Variants in DLG2 observed in about 807,000 individuals in gnomAD.
The protein encoded by DLG2 is disks large homolog 2.
A neutral mutation model predicts 132.5 loss-of-function variants in DLG2; 45 were observed. That is an observed-to-expected ratio of 0.34 (90% CI 0.27 to 0.44). DLG2 has a LOEUF of 0.44. DLG2 is among the 20% of genes least tolerant of loss of function. DLG2 has a pLI of 1.00. For synonymous variants in DLG2, 424 were observed against 419.6 expected, an observed-to-expected ratio of 1.01 and a Z score of -0.13; for missense variants, 1,045 against 1,196.9, an observed-to-expected ratio of 0.87 and a Z score of 1.87.
At chr11:83,516,785 G>A (rs1187765918) in intron 21 of DLG2, among the ~76,000 whole-genome samples, 1 of 152,108 alleles carries the variant, frequency 6.6e-6, no homozygotes, top group East Asian at 1.9e-4. Flanking sequence ...CACTTATGAA[G>A]CTTAGTTTGG....
At chr11:84,593,501 C>T (rs191339665) in intron 6 of DLG2, among the ~76,000 whole-genome samples, 100 of 152,258 alleles carry the variant, frequency 6.6e-4, no homozygotes, top group African/African-American at 2.4e-3. Context: ...TGTGCAGGGA[C>T]ATGGATGAAA....
intron 11 of DLG2, among the ~76,000 whole-genome samples, chr11:84,049,049 G>T (rs1411910158): frequency 2.6e-5 from 4 of 151,436 alleles, no homozygotes; most frequent in African/African-American, 9.7e-5. Flanking sequence ...GAAATTTTCA[G>T]ATGACTTCCT....
intron 6 of DLG2, among the ~76,000 whole-genome samples, chr11:84,725,933 C>T (rs2062396655): frequency 6.6e-6 from 1 of 151,922 alleles, no homozygotes; most frequent in African/African-American, 2.4e-5. Flanking sequence ...AATTCTAAAT[C>T]TTTAACCTTT....
chr11:84,954,893 T>A (rs2051437791), intron 6 of DLG2, among the ~76,000 whole-genome samples: 1 of 152,178 alleles, frequency 6.6e-6, no homozygotes, highest in Non-Finnish European at 1.5e-5. Context: ...TATTAGTTTA[T>A]ATGTCTCTTC....
chr11:84,001,732 A>T (rs71469608), intron 11 of DLG2, among the ~76,000 whole-genome samples: 3,363 of 152,256 alleles, frequency 0.022, 67 homozygotes, highest in Middle Eastern at 0.034. Flanking sequence ...TCAAAATCTT[A>T]TTGAGTATAT....
intron 3 of DLG2, among the ~76,000 whole-genome samples, chr11:85,432,543 C>A (rs2091251421): frequency 6.6e-6 from 1 of 151,772 alleles, no homozygotes; most frequent in African/African-American, 2.4e-5. Flanking sequence ...AAAAAATACA[C>A]AAGTATCAGT....
chr11:84,690,219 T>C (rs561101623), intron 6 of DLG2, among the ~76,000 whole-genome samples: 5 of 152,006 alleles, frequency 3.3e-5, no homozygotes, highest in African/African-American at 1.2e-4. Context: ...TTTATTGCAC[T>C]ACATGGTAGT....
At chr11:85,346,991 C>G (rs145509940) in intron 3 of DLG2, among the ~76,000 whole-genome samples, 1 of 152,138 alleles carries the variant, frequency 6.6e-6, no homozygotes, top group Non-Finnish European at 1.5e-5. Context: ...AGAAAGGAAT[C>G]ATAGGTGGGA....
intron 8 of DLG2, among the ~76,000 whole-genome samples, chr11:84,189,918 C>T (rs113858676): frequency 0.038 from 5,767 of 151,820 alleles, 362 homozygotes; most frequent in African/African-American, 0.13. Flanking sequence ...AACAAACCAC[C>T]ATGGCACACG....
intron 8 of DLG2, among the ~76,000 whole-genome samples, chr11:84,182,673 T>G (rs759086507): frequency 6.6e-6 from 1 of 152,124 alleles, no homozygotes; most frequent in Non-Finnish European, 1.5e-5. Context: ...ATCAATAATC[T>G]AAGCTTCTAC....
intron 6 of DLG2, among the ~76,000 whole-genome samples, chr11:84,944,251 A>G (rs2049890520): frequency 6.6e-6 from 1 of 152,016 alleles, no homozygotes; most frequent in Non-Finnish European, 1.5e-5. Flanking sequence ...ACCTTCTTGG[A>G]CTTTAGTATT....
At chr11:84,502,196 CTCTCTCCTTCCTTCCT>C (rs2099210466) in intron 7 of DLG2, among the ~76,000 whole-genome samples, 1 of 12,716 alleles carries the variant, frequency 7.9e-5, no homozygotes, top group Admixed American at 3.5e-4. Context: ...TTCTCTCTCT[CTCTCTCCTTCCTTCCT>C]TCCTTCCTTC....
chr11:84,194,827 G>C (rs898192233), intron 8 of DLG2, among the ~76,000 whole-genome samples: 6 of 152,192 alleles, frequency 3.9e-5, no homozygotes, highest in African/African-American at 1.2e-4. Context: ...CTCAGCCCTT[G>C]GGCAGTTGAT....
chr11:84,647,438 G>C (rs1436753461), intron 6 of DLG2, among the ~76,000 whole-genome samples: 1 of 152,060 alleles, frequency 6.6e-6, no homozygotes, highest in Non-Finnish European at 1.5e-5. Flanking sequence ...TCAAATCCTA[G>C]GCACATCAGA....
chr11:83,747,778 T>C (rs191656399), intron 18 of DLG2, among the ~76,000 whole-genome samples: 2 of 151,910 alleles, frequency 1.3e-5, no homozygotes, highest in East Asian at 3.9e-4. Context: ...AGTTTCTGTT[T>C]ATATATATTA....
At chr11:83,864,165 G>A (rs182671175) in intron 16 of DLG2, among the ~76,000 whole-genome samples, 1 of 152,262 alleles carries the variant, frequency 6.6e-6, no homozygotes, top group Admixed American at 6.5e-5. Flanking sequence ...TACCCTTCAG[G>A]TTTGGTAATC....
At chr11:85,197,777 A>G (rs2081176779) in intron 4 of DLG2, among the ~76,000 whole-genome samples, 1 of 152,150 alleles carries the variant, frequency 6.6e-6, no homozygotes, top group Non-Finnish European at 1.5e-5. Flanking sequence ...GAGGCCTCAT[A>G]CCATTGTATA....
At chr11:84,247,010 G>T (rs1386752268) in intron 8 of DLG2, among the ~76,000 whole-genome samples, 3 of 151,988 alleles carry the variant, frequency 2.0e-5, no homozygotes, top group Non-Finnish European at 4.4e-5. Context: ...TGTGTTCATT[G>T]AACTCCAAGA....
intron 9 of DLG2, among the ~76,000 whole-genome samples, chr11:84,158,293 G>A (rs1451962789): frequency 2.0e-5 from 3 of 152,112 alleles, no homozygotes; most frequent in Non-Finnish European, 2.9e-5. Flanking sequence ...TCGATCTCCT[G>A]ACCTCGTGAT....
Sources: gnomAD v4.1 joint callset for allele counts (sites outside exome capture counted in the v4.1 genomes callset) on GRCh38, gnomAD v4.1.1 for gene constraint, MANE v1.5 for transcripts, NCBI Gene and HGNC (gene_info 2026-07-23, HGNC 2026-07-21) for gene names.